The following AGMO variants were observed in gnomAD, a reference collection of about 807,000 sequenced individuals.
AGMO encodes the protein alkylglycerol monooxygenase.
AGMO carries 75 observed loss-of-function variants against 60.2 expected under a neutral mutation model. The ratio of observed to expected loss-of-function variants is 1.25; its 90% CI spans 1.03 to 1.51. The LOEUF is 1.51. Ranked by LOEUF, AGMO falls within the 40% of genes most tolerant of loss-of-function variation. The pLI is 0.00. For synonymous variants in AGMO, 261 were observed against 177.1 expected (o/e 1.47, Z -3.76); for missense variants, 763 against 525.5 (o/e 1.45, Z -4.42).
intron 3 of AGMO, among the ~76,000 whole-genome samples, chr7:15,477,489 T>G (rs151139745): frequency 1.3e-5 from 2 of 152,086 alleles, no homozygotes; most frequent in African/African-American, 4.8e-5. Context: ...TGCAAGGAAA[T>G]GCGAACAGAT....
chr7:15,305,951 G>C (rs991457121), intron 12 of AGMO, among the ~76,000 whole-genome samples: 20 of 151,816 alleles, frequency 1.3e-4, no homozygotes, highest in African/African-American at 4.6e-4. Context: ...AAATTTTAAA[G>C]CAACCAAAAA....
chr7:15,422,701 G>A (rs2128495536), intron 4 of AGMO, among the ~76,000 whole-genome samples: 1 of 152,242 alleles, frequency 6.6e-6, no homozygotes, highest in East Asian at 1.9e-4. Flanking sequence ...CATGTCCATG[G>A]CTTGGTACGC....
chr7:15,309,787 G>C lies in AGMO; in HGVS notation c.1263+55727C>G, dbSNP rs1404997553. 3.9e-5 allele frequency among the ~76,000 whole-genome samples: 6 copies of C among 152,058 alleles called. No homozygotes were observed. The East Asian group carries it at 1.2e-3, about 29-fold the overall frequency. On this transcript the variant is annotated intron_variant, in intron 12 of 12. Coordinates refer to ENST00000342526, the MANE Select transcript of AGMO (RefSeq NM_001004320.2). ...AAAGCCCAGAGAAGTTAACTGGCTT[G>C]CCTAATGTCCCTCAATCAAAGATCA...
At chr7:15,505,835 A>T (rs1215512073) in intron 3 of AGMO, among the ~76,000 whole-genome samples, 5 of 152,076 alleles carry the variant, frequency 3.3e-5, no homozygotes, top group African/African-American at 4.8e-5. Context: ...TTCTGTTTTT[A>T]AGAAAAAAAG....
chr7:15,420,660 C>T (rs1025499716), intron 4 of AGMO, among the ~76,000 whole-genome samples: 1 of 152,056 alleles, frequency 6.6e-6, no homozygotes, highest in Non-Finnish European at 1.5e-5. Context: ...TTTGCATTTC[C>T]GAATCCTATA....
rs146296335 is a variant in AGMO at position 15,507,821 on chromosome 7, A to G, written c.409+36951T>C. 3.3e-5 allele frequency among the ~76,000 whole-genome samples: 5 copies of G among 152,180 alleles called. No individual in the cohort carries two copies. In the East Asian group the frequency reaches 9.7e-4, roughly 29 times the overall value. On this transcript the variant is annotated intron_variant, in intron 3 of 12. Transcript: ENST00000342526. Reference sequence around the variant, plus strand: ...AGCATATTAGATAGATATTACAGTAAACTATTCACAGATCAAGTGAATGCA... The same window carrying G: ...AGCATATTAGATAGATATTACAGTAGACTATTCACAGATCAAGTGAATGCA...
chr7:15,266,160 T>C (rs1044081554), intron 12 of AGMO, among the ~76,000 whole-genome samples: 1 of 151,962 alleles, frequency 6.6e-6, no homozygotes, highest in Non-Finnish European at 1.5e-5. Context: ...GTTTAATAGG[T>C]ACTGTTTTTG....
At chr7:15,528,761 A>C (rs973704751) in intron 3 of AGMO, among the ~76,000 whole-genome samples, 4 of 152,016 alleles carry the variant, frequency 2.6e-5, no homozygotes, top group Admixed American at 2.6e-4. Context: ...TGATTCTCCC[A>C]CTTCAGACTC....
intron 12 of AGMO, among the ~76,000 whole-genome samples, chr7:15,354,865 A>G (rs189545308): frequency 6.6e-6 from 1 of 151,340 alleles, no homozygotes. Context: ...ATTATATCCT[A>G]TAAAATATAT....
the AGMO span, among the ~76,000 whole-genome samples, chr7:15,124,130 T>C: frequency 6.6e-6 from 1 of 151,872 alleles, no homozygotes; most frequent in African/African-American, 2.4e-5. Context: ...CCACATAGAG[T>C]TTCACTGTGT....
At chr7:15,329,184 ACTC>A (rs1170111484) in intron 12 of AGMO, among the ~76,000 whole-genome samples, 2 of 152,022 alleles carry the variant, frequency 1.3e-5, no homozygotes, top group African/African-American at 2.4e-5. Flanking sequence ...TGGAACGTAA[ACTC>A]CTCAGGGGCT....
intron 12 of AGMO, among the ~76,000 whole-genome samples, chr7:15,356,476 T>C (rs910833004): frequency 2.0e-5 from 3 of 152,212 alleles, no homozygotes; most frequent in African/African-American, 7.2e-5. Context: ...TACCATTTTA[T>C]TGTACTCACA....
At chr7:15,127,652 A>G in the AGMO span, among the ~76,000 whole-genome samples, 1 of 152,134 alleles carries the variant, frequency 6.6e-6, no homozygotes, top group Non-Finnish European at 1.5e-5. Flanking sequence ...AAATTGAGGG[A>G]TTACTGTAGA....
chr7:15,335,221 T>C (rs1036417032), intron 12 of AGMO, among the ~76,000 whole-genome samples: 2 of 152,174 alleles, frequency 1.3e-5, no homozygotes, highest in African/African-American at 2.4e-5. Flanking sequence ...TTTTCTTTGA[T>C]AGAGCTGGAT....
At chr7:15,436,142 A>G (rs1420951718) in intron 3 of AGMO, among the ~76,000 whole-genome samples, 1 of 152,218 alleles carries the variant, frequency 6.6e-6, no homozygotes, top group Non-Finnish European at 1.5e-5. Flanking sequence ...CTGAAATCAT[A>G]TTGCTAGCAC....
intron 3 of AGMO, among the ~76,000 whole-genome samples, chr7:15,468,872 T>C (rs935902049): frequency 6.6e-6 from 1 of 152,130 alleles, no homozygotes; most frequent in Non-Finnish European, 1.5e-5. Context: ...AACTGTGAGA[T>C]AAATTTCATT....
chr7:15,430,602 T>A (rs934790543), intron 4 of AGMO, among the ~76,000 whole-genome samples: 1 of 138,782 alleles, frequency 7.2e-6, no homozygotes, highest in African/African-American at 2.7e-5. Flanking sequence ...GTTGTTTTTT[T>A]TAAAAAAAAA....
chr7:15,328,105 CTTTT>C (rs147511935), intron 12 of AGMO, among the ~76,000 whole-genome samples: 1 of 150,988 alleles, frequency 6.6e-6, no homozygotes, highest in Admixed American at 6.6e-5. Context: ...TCCTTCTTTT[CTTTT>C]TTATTTTTTT....
At chr7:15,331,754 C>G (rs1781503623) in intron 12 of AGMO, among the ~76,000 whole-genome samples, 1 of 151,942 alleles carries the variant, frequency 6.6e-6, no homozygotes, top group African/African-American at 2.4e-5. Context: ...TGGAGAAACC[C>G]CATCTCTACT....
Sources: gnomAD v4.1 joint callset for allele counts (sites outside exome capture counted in the v4.1 genomes callset) on GRCh38, gnomAD v4.1.1 for gene constraint, MANE v1.5 for transcripts, NCBI Gene and HGNC (gene_info 2026-07-23, HGNC 2026-07-21) for gene names.